The following CSMD3 variants were observed in gnomAD, a reference collection of about 807,000 sequenced individuals.
The protein encoded by CSMD3 is CUB and sushi domain-containing protein 3.
In CSMD3, 177 loss-of-function variants were observed where a neutral mutation model predicts 435.2. The observed-to-expected ratio is 0.41, with a 90% CI of 0.36 to 0.46. The LOEUF is 0.46. CSMD3 is among the 20% of genes least tolerant of loss of function. The pLI is 0.34. For missense variants in CSMD3, 4,265 were observed against 4,504.6 expected (o/e 0.95, Z 1.52); for synonymous variants, 1,656 against 1,520.5 (o/e 1.09, Z -2.07).
At chr8:113,160,855 C>T (rs567823992) in intron 4 of CSMD3, among the ~76,000 whole-genome samples, 28 of 152,166 alleles carry the variant, frequency 1.8e-4, no homozygotes, top group African/African-American at 6.5e-4. Flanking sequence ...GAATTCCTCT[C>T]ATTTTGAAAG....
chr8:112,891,653 GC>G (rs2130333422), intron 10 of CSMD3, among the ~76,000 whole-genome samples: 1 of 151,460 alleles, frequency 6.6e-6, no homozygotes, highest in African/African-American at 2.4e-5. Context: ...GTTTAACCAG[GC>G]AAAATGTCAG....
chr8:112,227,674 G>C (rs1812697323), intron 70 of CSMD3, among the ~76,000 whole-genome samples: 1 of 152,124 alleles, frequency 6.6e-6, no homozygotes, highest in South Asian at 2.1e-4. Flanking sequence ...CTAGACCTAA[G>C]TAGCTGGTAA....
chr8:113,159,343 T>C (rs1346736779), intron 4 of CSMD3, among the ~76,000 whole-genome samples: 5 of 152,124 alleles, frequency 3.3e-5, no homozygotes, highest in Non-Finnish European at 7.4e-5. Context: ...CAATAAAATA[T>C]GTGTGTATAC....
chr8:113,147,894 A>G (rs2091714440), intron 4 of CSMD3, among the ~76,000 whole-genome samples: 1 of 151,740 alleles, frequency 6.6e-6, no homozygotes, highest in Admixed American at 6.6e-5. Context: ...TCTCCCTCTG[A>G]TCACTCTTAT....
At chr8:112,953,626 C>T (rs781347546) in intron 8 of CSMD3, among the ~76,000 whole-genome samples, 6 of 151,250 alleles carry the variant, frequency 4.0e-5, no homozygotes, top group African/African-American at 1.5e-4. Context: ...AATTATGACA[C>T]CATTAATATT....
At chr8:113,376,226 A>C (rs1269896633) in intron 1 of CSMD3, among the ~76,000 whole-genome samples, 2 of 152,152 alleles carry the variant, frequency 1.3e-5, no homozygotes, top group African/African-American at 4.8e-5. Flanking sequence ...AAGTAGACAA[A>C]TACTTCCAAA....
intron 10 of CSMD3, among the ~76,000 whole-genome samples, chr8:112,877,376 T>C (rs1395905999): frequency 2.6e-5 from 4 of 151,998 alleles, no homozygotes; most frequent in Non-Finnish European, 5.9e-5. Flanking sequence ...AGTGATTCTC[T>C]AGACTCAGAC....
intron 24 of CSMD3, among the ~76,000 whole-genome samples, chr8:112,560,698 G>T (rs1310378228): frequency 6.6e-6 from 1 of 151,540 alleles, no homozygotes; most frequent in Non-Finnish European, 1.5e-5. Flanking sequence ...AGTCAAACAG[G>T]TCAGTCTCTC....
intron 6 of CSMD3, among the ~76,000 whole-genome samples, chr8:112,981,574 T>G (rs1447998870): frequency 1.3e-5 from 2 of 151,636 alleles, no homozygotes; most frequent in African/African-American, 2.4e-5. Flanking sequence ...GCAAAATGAA[T>G]GAATAAATAA....
intron 35 of CSMD3, among the ~76,000 whole-genome samples, chr8:112,402,867 C>CA (rs1391056240): frequency 2.0e-5 from 3 of 152,060 alleles, no homozygotes; most frequent in Non-Finnish European, 4.4e-5. Context: ...TCTTTTAGCT[C>CA]ATGATTCCTT....
intron 10 of CSMD3, among the ~76,000 whole-genome samples, chr8:112,916,787 G>A (rs1449427314): frequency 1.3e-5 from 2 of 151,692 alleles, no homozygotes; most frequent in African/African-American, 2.4e-5. Context: ...TCAAACTGTT[G>A]GTTACAATTA....
intron 5 of CSMD3, among the ~76,000 whole-genome samples, chr8:113,086,192 T>A (rs1007466145): frequency 2.7e-5 from 4 of 149,062 alleles, no homozygotes; most frequent in African/African-American, 1.0e-4. Flanking sequence ...GAGCTTGAAG[T>A]GAGCCGAGAT....
At chr8:113,092,646 T>C (rs1454922329) in intron 5 of CSMD3, among the ~76,000 whole-genome samples, 1 of 152,094 alleles carries the variant, frequency 6.6e-6, no homozygotes, top group Non-Finnish European at 1.5e-5. Flanking sequence ...GGGTTTTCCT[T>C]TTCCTTGTTC....
chr8:112,708,218 A>T (rs1319493350), intron 13 of CSMD3, among the ~76,000 whole-genome samples: 2 of 152,050 alleles, frequency 1.3e-5, no homozygotes, highest in Non-Finnish European at 2.9e-5. Flanking sequence ...TGTATATGGA[A>T]TTTAGTAATT....
At chr8:112,391,839 T>C (rs957483776) in intron 35 of CSMD3, among the ~76,000 whole-genome samples, 8 of 152,156 alleles carry the variant, frequency 5.3e-5, no homozygotes, top group Non-Finnish European at 1.2e-4. Context: ...TATGCAGACC[T>C]ACTCAGAAGT....
chr8:112,845,965 A>G (rs889898742), intron 11 of CSMD3, among the ~76,000 whole-genome samples: 1 of 152,004 alleles, frequency 6.6e-6, no homozygotes, highest in Non-Finnish European at 1.5e-5. Flanking sequence ...CGTAGGGGGA[A>G]ATTCAGGAAA....
intron 18 of CSMD3, among the ~76,000 whole-genome samples, chr8:112,655,021 C>T (rs2075222426): frequency 6.6e-6 from 1 of 151,960 alleles, no homozygotes; most frequent in South Asian, 2.1e-4. Context: ...TGCATTTTAC[C>T]ATGATTTTTA....
chr8:112,260,910 A>G (rs1816324742), intron 61 of CSMD3, among the ~76,000 whole-genome samples: 1 of 152,154 alleles, frequency 6.6e-6, no homozygotes, highest in South Asian at 2.1e-4. Context: ...TCCACTACTC[A>G]ATATATCTAT....
intron 53 of CSMD3, among the ~76,000 whole-genome samples, chr8:112,299,719 G>T (rs1055137189): frequency 6.6e-6 from 1 of 152,104 alleles, no homozygotes; most frequent in Admixed American, 6.6e-5. Context: ...ACACAAACTA[G>T]TTGAGAAGAA....
Sources: allele counts gnomAD v4.1 joint callset (sites outside exome capture counted in the v4.1 genomes callset), GRCh38; gene constraint gnomAD v4.1.1; transcripts MANE v1.5; gene names NCBI Gene and HGNC (gene_info 2026-07-23, HGNC 2026-07-21).